The following PCDHGA3 variants were observed in gnomAD, a reference collection of about 807,000 sequenced individuals.
The protein encoded by PCDHGA3 is protocadherin gamma-A3.
PCDHGA3 carries 40 observed loss-of-function variants against 58.5 expected under a neutral mutation model. That is an observed-to-expected ratio of 0.68 (90% CI 0.53 to 0.89). The LOEUF (loss-of-function observed/expected upper bound fraction) is 0.89, where lower values mean the gene tolerates loss of function less well. PCDHGA3 is among the 40% of genes least tolerant of loss of function. The pLI, the probability that PCDHGA3 is intolerant of heterozygous loss-of-function variation, is 0.00. For missense variants in PCDHGA3, 1,223 were observed against 1,195.9 expected (o/e 1.02, Z -0.33); for synonymous variants, 530 against 525.7 (o/e 1.01, Z -0.11).
rs147506725 is a variant in PCDHGA3, at chr5:141,442,240, G to A, written c.2425-52567G>A. Reference sequence around the variant, plus strand: ...CTTTAATTTCCTTTTTATTCTTCCTGATTGCATTGTTTGTGCTGGTTTTAA... The same window carrying A: ...CTTTAATTTCCTTTTTATTCTTCCTAATTGCATTGTTTGTGCTGGTTTTAA... On this transcript the variant is annotated intron_variant, in intron 1 of 3. Transcript: ENST00000253812. 1,291 of 153,334 alleles carry A rather than the reference G, an allele frequency of 8.4e-3. 26 individuals carry two copies. The highest frequency in any genetic ancestry group is 0.029 in the African/African-American group (1,208 of 41,552). 9.5% of individuals were successfully genotyped at this position (153,334 alleles called of 1,614,324 possible).
chr5:141,511,320 A>G lies in PCDHGA3; in HGVS notation c.*147A>G. ...CATGCTCCCCTTGGGAAACAGAAAC[A>G]AGTGCCCAGTCAGCACCTACCCCTT... On this transcript the variant is annotated 3_prime_UTR_variant, in exon 4 of 4. Transcript: ENST00000253812. 6.8e-7 allele frequency: 1 copy of G among 1,475,678 alleles called. No homozygotes were observed. The highest frequency in any genetic ancestry group is 1.4e-5 in the South Asian group (1 of 72,746). 91.4% of individuals were successfully genotyped at this position (1,475,678 alleles called of 1,614,324 possible).
At chr5:141,403,960 G>A (rs775638627) in intron 1 of PCDHGA3, 10 of 1,613,658 alleles carry the variant, frequency 6.2e-6, no homozygotes, top group East Asian at 4.5e-5. Flanking sequence ...TGCTCATTTC[G>A]GTGGAAGATG....
chr5:141,453,214 A>T (rs1174586625), intron 1 of PCDHGA3, among the ~76,000 whole-genome samples: 2 of 152,058 alleles, frequency 1.3e-5, no homozygotes, highest in African/African-American at 4.8e-5. Flanking sequence ...CGTGCACTTA[A>T]GCGATCCTCC....
chr5:141,389,303 G>C, intron 1 of PCDHGA3: 3 of 1,614,000 alleles, frequency 1.9e-6, no homozygotes, highest in Non-Finnish European at 2.5e-6. Flanking sequence ...CACAAGTCAG[G>C]GCTTCTGATC....
intron 1 of PCDHGA3, among the ~76,000 whole-genome samples, chr5:141,455,574 C>T (rs1214642742): frequency 6.6e-6 from 1 of 152,158 alleles, no homozygotes; most frequent in Non-Finnish European, 1.5e-5. Flanking sequence ...CCTCCCACCC[C>T]AGCCTTTTAA....
At chr5:141,448,523 A>G (rs2098593853) in intron 1 of PCDHGA3, among the ~76,000 whole-genome samples, 1 of 152,166 alleles carries the variant, frequency 6.6e-6, no homozygotes, top group African/African-American at 2.4e-5. Context: ...TTTATTAAGC[A>G]TCCTGTCAGC....
At chr5:141,424,772 G>A (rs2096839878) in intron 1 of PCDHGA3, 1 of 152,086 alleles carries the variant, frequency 6.6e-6, no homozygotes, top group Non-Finnish European at 1.5e-5. Flanking sequence ...ATGGCAAATA[G>A]TACATTCAGT....
At chr5:141,361,713 C>A in intron 1 of PCDHGA3, 1 of 1,613,404 alleles carries the variant, frequency 6.2e-7, no homozygotes, top group Non-Finnish European at 8.5e-7. Context: ...AGCAGCTGCG[C>A]GCCTTCGAGC....
At chr5:141,347,933 A>C (rs1758039428) in intron 1 of PCDHGA3, among the ~76,000 whole-genome samples, 1 of 152,198 alleles carries the variant, frequency 6.6e-6, no homozygotes, top group Admixed American at 6.5e-5. Context: ...AATTATTATG[A>C]GCCTTGGAGT....
intron 1 of PCDHGA3, chr5:141,372,120 G>A (rs1169863583): frequency 3.1e-6 from 5 of 1,613,776 alleles, no homozygotes; most frequent in African/African-American, 1.3e-5. Flanking sequence ...TGCGCTCTTC[G>A]ATATGGTGCC....
At chr5:141,393,378 G>C in intron 1 of PCDHGA3, 1 of 1,613,982 alleles carries the variant, frequency 6.2e-7, no homozygotes, top group Non-Finnish European at 8.5e-7. Flanking sequence ...AGACAATGGA[G>C]CCATAAACCC....
chr5:141,501,831 C>G (rs1246452764), intron 2 of PCDHGA3, among the ~76,000 whole-genome samples: 1 of 152,176 alleles, frequency 6.6e-6, no homozygotes, highest in African/African-American at 2.4e-5. Context: ...GCCCACCCAC[C>G]TGTTTGGCCC....
At chr5:141,350,468 G>A (rs756415779) in intron 1 of PCDHGA3, 1 of 1,614,024 alleles carries the variant, frequency 6.2e-7, no homozygotes, top group Non-Finnish European at 8.5e-7. Context: ...TAGTGCAGAG[G>A]ATTATTTCAA....
intron 2 of PCDHGA3, among the ~76,000 whole-genome samples, chr5:141,503,132 CCT>C (rs1388312522): frequency 6.6e-6 from 1 of 151,994 alleles, no homozygotes; most frequent in Non-Finnish European, 1.5e-5. Flanking sequence ...TCTGGTAGCC[CCT>C]GACACAGCCC....
In PCDHGA3 at chr5:141,385,111, T is replaced by G. The variant is rs373196114; in HGVS notation, c.2424+38654T>G. 2.8e-5 allele frequency: 46 copies of G among 1,614,188 alleles called. No individual in the cohort carries two copies. The African/African-American group carries it at 5.6e-4, about 20-fold the overall frequency. On this transcript the variant is annotated intron_variant, in intron 1 of 3. Transcript: ENST00000253812. ...AGGTGGCTTGGCGAACGTGCCCACCTCGCACTTTGTGGGCATGGACGGGGT... is the reference window on the plus strand; with the variant it reads ...AGGTGGCTTGGCGAACGTGCCCACCGCGCACTTTGTGGGCATGGACGGGGT...
chr5:141,399,002 C>A (rs1415503184), intron 1 of PCDHGA3: 2 of 1,613,830 alleles, frequency 1.2e-6, no homozygotes, highest in South Asian at 2.2e-5. Flanking sequence ...AGTCTGAATT[C>A]AAAGAGCGGA....
intron 2 of PCDHGA3, among the ~76,000 whole-genome samples, chr5:141,501,506 G>A (rs770097282): frequency 1.3e-5 from 2 of 151,864 alleles, no homozygotes; most frequent in Non-Finnish European, 2.9e-5. Context: ...GGGGCTCCAA[G>A]GCCTCCAAGC....
chr5:141,348,053 C>G (rs1470158064), intron 1 of PCDHGA3, among the ~76,000 whole-genome samples: 1 of 152,198 alleles, frequency 6.6e-6, no homozygotes, highest in Non-Finnish European at 1.5e-5. Flanking sequence ...GAAGTCCCTT[C>G]TTTTGTCATG....
intron 1 of PCDHGA3, among the ~76,000 whole-genome samples, chr5:141,469,642 A>G (rs1339074059): frequency 2.0e-5 from 3 of 152,244 alleles, no homozygotes; most frequent in Admixed American, 6.5e-5. Flanking sequence ...AAATATTTTG[A>G]TGACATAATT....
Sources: gnomAD v4.1 joint callset for allele counts (sites outside exome capture counted in the v4.1 genomes callset) on GRCh38, gnomAD v4.1.1 for gene constraint, MANE v1.5 for transcripts, NCBI Gene and HGNC (gene_info 2026-07-23, HGNC 2026-07-21) for gene names.